The following OLFM3 variants were observed in gnomAD, a reference collection of about 807,000 sequenced individuals.
OLFM3 encodes the protein noelin-3.
In OLFM3, 20 loss-of-function variants were observed where a neutral mutation model predicts 48.6. That is an observed-to-expected ratio of 0.41 (90% confidence interval 0.29 to 0.60). The LOEUF is 0.60. Ranked by LOEUF, OLFM3 falls within the 20% of genes least tolerant of loss-of-function variation. The probability of loss-of-function intolerance (pLI) is 0.28; values close to 1 mark genes in which losing one functional copy is unlikely to be tolerated. For synonymous variants in OLFM3, 222 were observed against 198.1 expected (o/e 1.12, Z -1.01); for missense variants, 437 against 544.3 (o/e 0.80, Z 1.96).
intron 1 of OLFM3, among the ~76,000 whole-genome samples, chr1:101,938,863 G>C (rs1250420549): frequency 6.6e-6 from 1 of 152,144 alleles, no homozygotes; most frequent in East Asian, 1.9e-4. Flanking sequence ...GAATCAACAT[G>C]TTTGCTAGGA....
intron 1 of OLFM3, among the ~76,000 whole-genome samples, chr1:101,979,114 A>C (rs1661035948): frequency 6.6e-6 from 1 of 152,308 alleles, no homozygotes; most frequent in African/African-American, 2.4e-5. Flanking sequence ...CAGAAATAAT[A>C]CATTCTCTTA....
chr1:101,976,928 C>CAA (rs1457771540), intron 1 of OLFM3, among the ~76,000 whole-genome samples: 4 of 152,138 alleles, frequency 2.6e-5, no homozygotes, highest in South Asian at 4.2e-4. Flanking sequence ...AGAAGTGATA[C>CAA]AAAGTGGGAA....
chr1:101,850,517 T>C (rs2100947664), intron 1 of OLFM3, among the ~76,000 whole-genome samples: 1 of 152,236 alleles, frequency 6.6e-6, no homozygotes, highest in East Asian at 1.9e-4. Context: ...AAGTTAAATG[T>C]TGTTTTAATG....
intron 1 of OLFM3, among the ~76,000 whole-genome samples, chr1:101,880,057 G>A (rs1274375546): frequency 6.6e-6 from 1 of 151,720 alleles, no homozygotes; most frequent in African/African-American, 2.4e-5. Flanking sequence ...TAATAATTAT[G>A]TCTAGACATG....
rs1654797846 is a variant in OLFM3, at chr1:101,825,115, T to C, written c.503A>G (p.Gln168Arg). Residue 168 changes from glutamine (Q) to arginine (R), a missense_variant, in exon 4 of 6, where the codon CAG becomes CGG. By Grantham distance (43) the Gln-to-Arg change is conservative. Around this residue, in one of 3 missense-constraint regions of OLFM3, gnomAD observed 314 missense variants for 365.5 expected, o/e 0.86. Transcript: ENST00000370103. ...RNLSAVLTGI[Q>R]EEIGAYDYEE... is the part of the protein sequence containing the mutation. ...GTAGTCATAGGCACCAATTTCCTCC[T>C]GAATACCAGTGAGGACAGCAGACAG... 6.2e-7 allele frequency: 1 copy of C among 1,613,980 alleles called. No homozygotes were observed. The highest frequency in any genetic ancestry group is 2.2e-5 in the East Asian group (1 of 44,882).
At chr1:101,831,765 A>G (rs1043020079) in intron 2 of OLFM3, among the ~76,000 whole-genome samples, 3 of 152,240 alleles carry the variant, frequency 2.0e-5, no homozygotes, top group Non-Finnish European at 4.4e-5. Context: ...CTGAATCAAA[A>G]TATACATTTA....
chr1:101,823,470 A>C (rs1314530482), intron 4 of OLFM3, among the ~76,000 whole-genome samples: 1 of 151,972 alleles, frequency 6.6e-6, no homozygotes, highest in Non-Finnish European at 1.5e-5. Context: ...ATCTTATAAC[A>C]ACTCCATGGT....
chr1:101,967,515 C>T (rs975826482), intron 1 of OLFM3, among the ~76,000 whole-genome samples: 1 of 141,152 alleles, frequency 7.1e-6, no homozygotes, highest in Non-Finnish European at 1.5e-5. Context: ...CTGCTAACCA[C>T]TTACATAACA....
chr1:101,959,345 T>C (rs1447766292), intron 1 of OLFM3, among the ~76,000 whole-genome samples: 1 of 152,056 alleles, frequency 6.6e-6, no homozygotes, highest in Non-Finnish European at 1.5e-5. Context: ...TCCTTTTTTT[T>C]TTTTTTTAAC....
intron 1 of OLFM3, among the ~76,000 whole-genome samples, chr1:101,944,765 A>G (rs1241680849): frequency 1.3e-5 from 2 of 152,102 alleles, no homozygotes; most frequent in African/African-American, 2.4e-5. Context: ...CTGTAATCCC[A>G]GCTACTCAGG....
chr1:101,929,518 A>G (rs1428983300), intron 1 of OLFM3, among the ~76,000 whole-genome samples: 1 of 152,108 alleles, frequency 6.6e-6, no homozygotes, highest in Non-Finnish European at 1.5e-5. Context: ...CTCGGGCTCC[A>G]GGAGTTTGGC....
intron 2 of OLFM3, among the ~76,000 whole-genome samples, chr1:101,833,004 T>C (rs1248120548): frequency 1.3e-5 from 2 of 152,186 alleles, no homozygotes; most frequent in African/African-American, 4.8e-5. Flanking sequence ...AAAAAAACTG[T>C]CTACGTATTT....
intron 1 of OLFM3, among the ~76,000 whole-genome samples, chr1:101,871,854 T>G (rs371612097): frequency 1.3e-5 from 2 of 152,078 alleles, no homozygotes; most frequent in East Asian, 1.9e-4. Context: ...ACATATGTAT[T>G]TTAGCTACTT....
At chr1:101,878,630 A>G (rs915271818) in intron 1 of OLFM3, among the ~76,000 whole-genome samples, 3 of 151,834 alleles carry the variant, frequency 2.0e-5, no homozygotes, top group Non-Finnish European at 4.4e-5. Flanking sequence ...CTCATGCGGG[A>G]AGCCATTACC....
intron 1 of OLFM3, among the ~76,000 whole-genome samples, chr1:101,863,495 C>G (rs1256668783): frequency 6.6e-6 from 1 of 152,176 alleles, no homozygotes; most frequent in Admixed American, 6.5e-5. Context: ...GCTTTCAGAG[C>G]TTCCCCCTTC....
intron 1 of OLFM3, among the ~76,000 whole-genome samples, chr1:101,958,064 T>A (rs1234922909): frequency 6.6e-6 from 1 of 152,102 alleles, no homozygotes; most frequent in South Asian, 2.1e-4. Flanking sequence ...GGCAAGTGAA[T>A]GGCTTATATC....
intron 1 of OLFM3, among the ~76,000 whole-genome samples, chr1:101,994,401 T>C (rs1417124515): frequency 6.6e-6 from 1 of 150,882 alleles, no homozygotes; most frequent in Non-Finnish European, 1.5e-5. Flanking sequence ...TACTATATTA[T>C]TGGATTTTTA....
intron 1 of OLFM3, among the ~76,000 whole-genome samples, chr1:101,947,548 T>C (rs1375173012): frequency 6.6e-6 from 1 of 152,098 alleles, no homozygotes; most frequent in Non-Finnish European, 1.5e-5. Flanking sequence ...GAGGGAGGAT[T>C]GGTTGGGGCT....
chr1:101,807,353 T>C (rs973599496), intron 4 of OLFM3, among the ~76,000 whole-genome samples: 1 of 151,788 alleles, frequency 6.6e-6, no homozygotes, highest in Non-Finnish European at 1.5e-5. Context: ...TCATGTTATT[T>C]TCTTCTATTT....
Sources: allele counts gnomAD v4.1 joint callset (sites outside exome capture counted in the v4.1 genomes callset), GRCh38; gene constraint gnomAD v4.1.1; regional missense constraint gnomAD v4.1.1; transcripts MANE v1.5; gene names NCBI Gene and HGNC (gene_info 2026-07-23, HGNC 2026-07-21).